Variants in ERBB4 observed in about 807,000 individuals in gnomAD.
ERBB4 encodes the protein receptor tyrosine-protein kinase erbB-4.
A neutral mutation model predicts 158.0 loss-of-function variants in ERBB4; 42 were observed. That is an observed-to-expected ratio of 0.27 (90% CI 0.21 to 0.34). The LOEUF is 0.34. Ranked by LOEUF, ERBB4 falls within the 10% of genes least tolerant of loss-of-function variation. ERBB4 has a pLI of 1.00. For synonymous variants in ERBB4, 583 were observed against 558.7 expected (o/e 1.04, Z -0.61); for missense variants, 1,333 against 1,624.1 (o/e 0.82, Z 3.08).
rs1269898841 is a variant in ERBB4 at position 211,379,220 on chromosome 2, A to G, written c.*4395T>C. The G allele has an allele frequency of 4.4e-6, 1 of 228,530 alleles. No homozygotes were observed. Among genetic ancestry groups the G allele is most frequent in the African/African-American group, 2.2e-5 (1 of 44,626 alleles). 14.2% of individuals were successfully genotyped at this position (228,530 alleles called of 1,614,324 possible). A position where few individuals can be genotyped will look rare whatever the true frequency, so the allele number is the denominator to read the frequency against. On this transcript the variant is annotated 3_prime_UTR_variant, in exon 28 of 28. Coordinates refer to ENST00000342788, the MANE Select transcript of ERBB4 (RefSeq NM_005235.3). ...TTTGTTTGTTTGCTAGCTAAATGAC[A>G]CCACTCCTTTTTTTTTTTGTCTCTG...
At position 211,722,254 on chromosome 2, in the gene ERBB4, T is replaced by C; in HGVS notation, c.883+139A>G. The stretch of plus-strand genomic sequence containing the variant: ...AGTTTTGGTTTAGTTTCTTTATTTA[T>C]AAAATGGGGGCAATAGTATCTATAC... On this transcript the variant is annotated intron_variant, in intron 7 of 27. Transcript: ENST00000342788. 7.3e-6 allele frequency: 5 copies of C among 684,298 alleles called. No homozygotes were observed. In the South Asian group the frequency reaches 9.1e-5, roughly 12 times the overall value. 42.4% of individuals were successfully genotyped at this position (684,298 alleles called of 1,614,324 possible).
At chr2:212,327,756 C>G (rs1574692259) in intron 1 of ERBB4, among the ~76,000 whole-genome samples, 1 of 110,962 alleles carries the variant, frequency 9.0e-6, no homozygotes, top group East Asian at 2.5e-4. Context: ...GGGAGAGAAA[C>G]GTTCTAAAAT....
chr2:211,512,877 T>C (rs770897185), intron 20 of ERBB4, among the ~76,000 whole-genome samples: 2 of 152,136 alleles, frequency 1.3e-5, no homozygotes, highest in Admixed American at 6.5e-5. Context: ...ATTGCCATAG[T>C]TACCTCACAA....
chr2:211,772,924 C>CCT (rs2075747847), intron 4 of ERBB4, among the ~76,000 whole-genome samples: 1 of 36,738 alleles, frequency 2.7e-5, no homozygotes, highest in Non-Finnish European at 4.6e-5. Flanking sequence ...CACACACACA[C>CCT]ATATATATAT....
intron 1 of ERBB4, among the ~76,000 whole-genome samples, chr2:212,466,831 A>C (rs568898896): frequency 6.6e-6 from 1 of 152,312 alleles, no homozygotes; most frequent in South Asian, 2.1e-4. Context: ...AAAGACAGCA[A>C]AATGTGGGAA....
chr2:211,550,574 A>AATATATATATATATATATATATAT (rs376362405), intron 20 of ERBB4, among the ~76,000 whole-genome samples: 36 of 136,876 alleles, frequency 2.6e-4, no homozygotes, highest in African/African-American at 8.9e-4. Context: ...CATTCCTTAG[A>AATATATATATATATATATATATAT]ATATATATAT....
Position 211,570,174 on chromosome 2 carries a change from C to T in ERBB4, c.2302-8086G>A, listed in dbSNP as rs187796138. Among the ~76,000 whole-genome samples the T allele has an allele frequency of 5.2e-3, 797 of 152,016 alleles. 3 individuals are homozygous for T. Among genetic ancestry groups the T allele is most frequent in the East Asian group, 8.3e-3 (43 of 5,158 alleles). On this transcript the variant is annotated intron_variant, in intron 19 of 27. Coordinates refer to ENST00000342788, the MANE Select transcript of ERBB4 (RefSeq NM_005235.3). ...ATGTTTTATTATTTTGTTTTTGAGACGGAGTCTCACTCTATTGCCCAGGCT... is the reference window on the plus strand; with the variant it reads ...ATGTTTTATTATTTTGTTTTTGAGATGGAGTCTCACTCTATTGCCCAGGCT...
chr2:212,516,456 T>C (rs949070873), intron 1 of ERBB4, among the ~76,000 whole-genome samples: 24 of 152,094 alleles, frequency 1.6e-4, no homozygotes, highest in African/African-American at 5.3e-4. Context: ...TCTCTGCCAC[T>C]GACTGGCAAC....
At chr2:211,781,502 G>A (rs910706157) in intron 4 of ERBB4, among the ~76,000 whole-genome samples, 2 of 152,156 alleles carry the variant, frequency 1.3e-5, no homozygotes, top group Non-Finnish European at 2.9e-5. Context: ...GAGCAGCTGA[G>A]GATTGTTCTT....
At chr2:211,804,728 A>G (rs1322029938) in intron 3 of ERBB4, among the ~76,000 whole-genome samples, 2 of 151,968 alleles carry the variant, frequency 1.3e-5, no homozygotes, top group Non-Finnish European at 2.9e-5. Flanking sequence ...TATTCAGTAC[A>G]CAGGAATTTA....
chr2:211,445,879 A>G (rs938663375), intron 20 of ERBB4, among the ~76,000 whole-genome samples: 1 of 152,142 alleles, frequency 6.6e-6, no homozygotes, highest in African/African-American at 2.4e-5. Context: ...GAGTCAGGAG[A>G]TTGATGATAC....
At chr2:212,097,737 G>A (rs2078971260) in intron 2 of ERBB4, among the ~76,000 whole-genome samples, 1 of 152,122 alleles carries the variant, frequency 6.6e-6, no homozygotes, top group Non-Finnish European at 1.5e-5. Context: ...ATTTCAAAGA[G>A]AAGAAATGGT....
intron 4 of ERBB4, among the ~76,000 whole-genome samples, chr2:211,763,973 A>G (rs978232680): frequency 6.6e-6 from 1 of 152,124 alleles, no homozygotes; most frequent in Admixed American, 6.6e-5. Flanking sequence ...ACAAATAGGC[A>G]CATTTCTAAA....
chr2:212,057,745 A>G (rs1444543322), intron 2 of ERBB4, among the ~76,000 whole-genome samples: 2 of 152,218 alleles, frequency 1.3e-5, no homozygotes, highest in Non-Finnish European at 2.9e-5. Context: ...GAACAAAGAC[A>G]CAACATACCA....
At chr2:212,440,340 C>T (rs2092227355) in intron 1 of ERBB4, among the ~76,000 whole-genome samples, 1 of 152,178 alleles carries the variant, frequency 6.6e-6, no homozygotes, top group African/African-American at 2.4e-5. Context: ...GGCCTAGCAT[C>T]CCAGGCTACA....
In ERBB4 at chr2:212,281,011, A is replaced by C. The variant is rs562317017; in HGVS notation, c.83-156108T>G. On this transcript the variant is annotated intron_variant, in intron 1 of 27. Coordinates refer to ENST00000342788, the MANE Select transcript of ERBB4 (RefSeq NM_005235.3). ...AATGAAATTAAGCAGGAAAAAGATA[A>C]GAAAATTTTTTTTGTAAAGTCACAT... 4.6e-5 allele frequency among the ~76,000 whole-genome samples: 7 copies of C among 151,858 alleles called. No homozygotes were observed. The East Asian group carries it at 9.7e-4, about 21-fold the overall frequency.
intron 2 of ERBB4, among the ~76,000 whole-genome samples, chr2:212,055,883 A>G (rs2125407218): frequency 6.6e-6 from 1 of 152,378 alleles, no homozygotes; most frequent in Admixed American, 6.5e-5. Flanking sequence ...CTCCCCGTCC[A>G]AAGGAGCGCA....
Position 211,377,463 on chromosome 2 carries a change from C to T in ERBB4, c.*6152G>A, listed in dbSNP as rs924970418. 19 of 232,816 alleles carry T rather than the reference C, an allele frequency of 8.2e-5. No homozygotes were observed. Among genetic ancestry groups the T allele is most frequent in the Non-Finnish European group, 1.4e-4 (16 of 117,656 alleles). The allele number at this position is 232,816 out of a possible 1,614,324, so 14.4% of individuals were successfully genotyped here. A position where few individuals can be genotyped will look rare whatever the true frequency, so the allele number is the denominator to read the frequency against. ...ACTAGAGCATGAAAAGAAAAACGTCCATAAAGAGCAAAAGTAGGTAAAGGA... is the reference window on the plus strand; with the variant it reads ...ACTAGAGCATGAAAAGAAAAACGTCTATAAAGAGCAAAAGTAGGTAAAGGA... On this transcript the variant is annotated 3_prime_UTR_variant, in exon 28 of 28. Coordinates refer to ENST00000342788, the MANE Select transcript of ERBB4 (RefSeq NM_005235.3).
At chr2:211,993,102 C>G (rs2082117872) in intron 2 of ERBB4, among the ~76,000 whole-genome samples, 1 of 152,110 alleles carries the variant, frequency 6.6e-6, no homozygotes, top group African/African-American at 2.4e-5. Context: ...GAGTTGTTTT[C>G]CCTCAGAATC....
Sources: gnomAD v4.1 joint callset for allele counts (sites outside exome capture counted in the v4.1 genomes callset) on GRCh38, gnomAD v4.1.1 for gene constraint, MANE v1.5 for transcripts, NCBI Gene and HGNC (gene_info 2026-07-23, HGNC 2026-07-21) for gene names.